The following RFX7 variants were observed in gnomAD, a reference collection of about 807,000 sequenced individuals.
RFX7 encodes the protein DNA-binding protein RFX7.
RFX7 carries 26 observed loss-of-function variants against 111.8 expected under a neutral mutation model. The observed-to-expected ratio is 0.23, with a 90% CI of 0.17 to 0.32. The LOEUF (loss-of-function observed/expected upper bound fraction) is 0.32. Ranked by LOEUF, RFX7 falls within the 10% of genes least tolerant of loss-of-function variation. RFX7 has a pLI of 1.00. For missense variants in RFX7, 1,573 were observed against 1,772.9 expected (o/e 0.89, Z 2.02); for synonymous variants, 624 against 624.4 (o/e 1.00, Z 0.01).
intron 2 of RFX7, among the ~76,000 whole-genome samples, chr15:56,224,688 GT>G (rs2043463477): frequency 6.6e-6 from 1 of 151,884 alleles, no homozygotes; most frequent in Admixed American, 6.6e-5. Context: ...AAACACCTAA[GT>G]TTTTTTGGGG....
rs2041601237 is a variant in RFX7, at chr15:56,091,900, GCTTA to G, written c.*1441_*1444del. On this transcript the variant is annotated 3_prime_UTR_variant, in exon 10 of 10. Coordinates refer to ENST00000559447, the MANE Select transcript of RFX7 (RefSeq NM_022841.7). Reference sequence around the variant, plus strand: ...TTCATTGATTGTAGTCTTCTGATTGGCTTACTAAGGTAAAGGAAAGCTTAGCTAG... The same window carrying G: ...TTCATTGATTGTAGTCTTCTGATTGGCTAAGGTAAAGGAAAGCTTAGCTAG... 1 of 152,312 alleles carries G rather than the reference GCTTA, an allele frequency of 6.6e-6. No homozygotes were observed. Among genetic ancestry groups the G allele is most frequent in the Non-Finnish European group, 1.5e-5 (1 of 67,956 alleles). The allele number at this position is 152,312 out of a possible 1,614,324, so 9.4% of individuals were successfully genotyped here.
At chr15:56,223,868 A>C (rs781215309) in intron 2 of RFX7, among the ~76,000 whole-genome samples, 1 of 152,212 alleles carries the variant, frequency 6.6e-6, no homozygotes, top group African/African-American at 2.4e-5. Context: ...GGAGGTCAGC[A>C]AACACCAATC....
At chr15:56,231,936 C>A (rs2043563365) in intron 2 of RFX7, among the ~76,000 whole-genome samples, 1 of 152,170 alleles carries the variant, frequency 6.6e-6, no homozygotes, top group South Asian at 2.1e-4. Context: ...TTTAAAGCTC[C>A]AAAATGATCT....
rs371842303 is a variant in RFX7 at position 56,096,247 on chromosome 15, G to A, written c.1481C>T (p.Ser494Leu). Reference sequence around the variant, plus strand: ...TGTTGTTCCTGTAGCACTGCTGACTGAGGCAGAATGTTTAAGAGGGGTGTT... The same window carrying A: ...TGTTGTTCCTGTAGCACTGCTGACTAAGGCAGAATGTTTAAGAGGGGTGTT... ...NSNTPLKHSA[S>L]VSSATGTTEE... The change falls in exon 10 of 10, where the codon TCA becomes TTA. Residue 494 changes from serine to leucine, a missense_variant. By Grantham distance (145) the Ser-to-Leu change is moderately radical. Coordinates refer to ENST00000559447, the MANE Select transcript of RFX7 (RefSeq NM_022841.7). The A allele has an allele frequency of 1.3e-5, 21 of 1,613,990 alleles. No individual in the cohort carries two copies. In the Admixed American group the frequency reaches 3.5e-4, roughly 27 times the overall value.
At chr15:56,192,692 C>A in intron 2 of RFX7, 1 of 218,404 alleles carries the variant, frequency 4.6e-6, no homozygotes, top group South Asian at 8.3e-5. Context: ...GGGTTTTGCT[C>A]AAGTTTACCA....
intron 4 of RFX7, 35 bp from the exon 5 acceptor site, chr15:56,142,935 C>G (rs569919240): frequency 1.2e-6 from 2 of 1,609,298 alleles, no homozygotes; most frequent in African/African-American, 1.3e-5. Context: ...GCTGACCAGA[C>G]AGCAATTCAT....
intron 3 of RFX7, among the ~76,000 whole-genome samples, chr15:56,146,701 T>G (rs1367110364): frequency 5.3e-5 from 8 of 152,146 alleles, no homozygotes; most frequent in Non-Finnish European, 1.0e-4. Flanking sequence ...AAAAAAAGTT[T>G]TGAAAAAGAT....
chr15:56,103,681 A>T lies in RFX7; in HGVS notation c.402-11T>A. The stretch of plus-strand genomic sequence containing the variant: ...TTGTCACAATAGCTCCTGCAAAAGA[A>T]GGAAGGACCAATTTAGAGTGACAGA... On this transcript the variant is annotated splice_polypyrimidine_tract_variant and intron_variant, in intron 5 of 9. Transcript: ENST00000559447. 1 of 1,499,560 alleles carries T rather than the reference A, an allele frequency of 6.7e-7. No homozygotes were observed. Among genetic ancestry groups the T allele is most frequent in the Non-Finnish European group, 9.2e-7 (1 of 1,091,314 alleles). The allele number at this position is 1,499,560 out of a possible 1,614,324, so 92.9% of individuals were successfully genotyped here.
At chr15:56,106,670 G>T (rs2041834217) in intron 5 of RFX7, among the ~76,000 whole-genome samples, 1 of 151,742 alleles carries the variant, frequency 6.6e-6, no homozygotes, top group South Asian at 2.1e-4. Flanking sequence ...ATTTCTAGTG[G>T]TTGTAATTTT....
At chr15:56,118,118 CA>C (rs1186197783) in intron 5 of RFX7, among the ~76,000 whole-genome samples, 21 of 152,012 alleles carry the variant, frequency 1.4e-4, no homozygotes, top group African/African-American at 4.4e-4. Context: ...TATAGGCATA[CA>C]ATGTGTAATA....
intron 2 of RFX7, among the ~76,000 whole-genome samples, chr15:56,218,072 A>G (rs1404249975): frequency 2.6e-5 from 4 of 151,760 alleles, no homozygotes; most frequent in African/African-American, 9.7e-5. Flanking sequence ...ATTCCCTAAC[A>G]ATATAGTATA....
chr15:56,170,687 G>T (rs1237366450), intron 3 of RFX7, among the ~76,000 whole-genome samples: 2 of 152,150 alleles, frequency 1.3e-5, no homozygotes, highest in Admixed American at 6.5e-5. Context: ...AAAATTAAAA[G>T]TTCAATTCCT....
intron 2 of RFX7, among the ~76,000 whole-genome samples, chr15:56,242,467 G>A (rs2043707131): frequency 6.6e-6 from 1 of 151,854 alleles, no homozygotes; most frequent in Non-Finnish European, 1.5e-5. Flanking sequence ...ACATACAAAT[G>A]GCAAGACATT....
chr15:56,148,121 C>T (rs1336031471), intron 3 of RFX7, among the ~76,000 whole-genome samples: 20 of 152,156 alleles, frequency 1.3e-4, no homozygotes, highest in Non-Finnish European at 1.9e-4. Flanking sequence ...TGCCTGAAAA[C>T]TTAAAAGACC....
In RFX7 at chr15:56,142,835, G is replaced by A. The variant is rs370853513; in HGVS notation, c.344C>T (p.Thr115Ile). 6.2e-7 allele frequency: 1 copy of A among 1,613,428 alleles called. No individual in the cohort carries two copies. Among genetic ancestry groups the A allele is most frequent in the Non-Finnish European group, 8.5e-7 (1 of 1,179,602 alleles). ...QMHAFSWIRN[T>I]LEEHPETSLP... ...TGAAGTCTCCGGATGTTCCTCTAGG[G>A]TATTCCGAATCCAGGAAAAGGCATG... Residue 115 changes from threonine (T) to isoleucine (I), a missense_variant, in exon 5 of 10, where the codon ACC becomes ATC. Physicochemically the swap from Thr to Ile is moderately conservative, Grantham distance 89. Coordinates refer to ENST00000559447, the MANE Select transcript of RFX7 (RefSeq NM_022841.7).
intron 4 of RFX7, among the ~76,000 whole-genome samples, chr15:56,143,862 CTT>C (rs2042434193): frequency 1.3e-5 from 2 of 152,206 alleles, no homozygotes; most frequent in East Asian, 1.9e-4. Flanking sequence ...TAAGGAAACT[CTT>C]TTAAAAATTA....
At chr15:56,097,793 A>G (rs1406212389) in intron 9 of RFX7, among the ~76,000 whole-genome samples, 4 of 147,714 alleles carry the variant, frequency 2.7e-5, no homozygotes, top group Non-Finnish European at 4.5e-5. Context: ...CCAGGGATGA[A>G]ACAACTCTAA....
At chr15:56,209,047 T>A (rs1411829997) in intron 2 of RFX7, among the ~76,000 whole-genome samples, 2 of 151,974 alleles carry the variant, frequency 1.3e-5, no homozygotes, top group Middle Eastern at 3.4e-3. Flanking sequence ...AAACCACAGA[T>A]CTAGGAAGCT....
At chr15:56,115,662 G>A (rs778011538) in intron 5 of RFX7, among the ~76,000 whole-genome samples, 20 of 152,072 alleles carry the variant, frequency 1.3e-4, no homozygotes, top group African/African-American at 4.1e-4. Flanking sequence ...ATATAGGCCC[G>A]GCACGGTGGC....
Sources: gnomAD v4.1 joint callset for allele counts (sites outside exome capture counted in the v4.1 genomes callset) on GRCh38, gnomAD v4.1.1 for gene constraint, MANE v1.5 for transcripts, NCBI Gene and HGNC (gene_info 2026-07-23, HGNC 2026-07-21) for gene names.